The following COL26A1 variants were observed in gnomAD, a reference collection of about 807,000 sequenced individuals.
The protein encoded by COL26A1 is collagen type XXVI alpha 1 chain.
Under a neutral mutation model 59.3 loss-of-function variants are expected in COL26A1, and 41 were observed. The observed-to-expected ratio is 0.69, with a 90% confidence interval of 0.54 to 0.90. The LOEUF (loss-of-function observed/expected upper bound fraction) is 0.90, where lower values mean the gene tolerates loss of function less well. Among genes scored for constraint, COL26A1 ranks in the 40% least tolerant of loss-of-function variants. COL26A1 has a pLI of 0.00. For synonymous variants in COL26A1, 266 were observed against 256.0 expected, an observed-to-expected ratio of 1.04 and a Z score of -0.37; for missense variants, 612 against 602.3, an observed-to-expected ratio of 1.02 and a Z score of -0.17.
chr7:101,440,321 G>A (rs776505450), intron 2 of COL26A1, among the ~76,000 whole-genome samples: 2 of 152,202 alleles, frequency 1.3e-5, no homozygotes, highest in East Asian at 1.9e-4. Flanking sequence ...AGCTGAGATC[G>A]CGTCACTACA....
intron 1 of COL26A1, among the ~76,000 whole-genome samples, chr7:101,413,375 C>T (rs111787447): frequency 0.02 from 3,106 of 152,038 alleles, 119 homozygotes; most frequent in African/African-American, 0.07. Context: ...AAATATTAGC[C>T]GGGTATGGTG....
rs1563008286 is a variant in COL26A1, at chr7:101,489,850, CTT to C, written c.385+42065_385+42066del. On this transcript the variant is annotated intron_variant, in intron 3 of 12. Coordinates refer to ENST00000313669, the MANE Select transcript of COL26A1 (RefSeq NM_001278563.3). ...TCTTTCTTTCTTTCTTTCTTTCTTTCTTTCTTTCTTTCTTTCTTTCTTTCTTT... is the reference window on the plus strand; with the variant it reads ...TCTTTCTTTCTTTCTTTCTTTCTTTCTCTTTCTTTCTTTCTTTCTTTCTTT... Among the ~76,000 whole-genome samples, 27 of 28,990 alleles carry C rather than the reference CTT, an allele frequency of 9.3e-4. 1 individual carries two copies. The highest frequency in any genetic ancestry group is 9.5e-4 in the Admixed American group (2 of 2,110). 19.0% of individuals were successfully genotyped at this position (28,990 alleles called of 152,430 possible). A position where few individuals can be genotyped will look rare whatever the true frequency, so the allele number is the denominator to read the frequency against.
At position 101,370,041 on chromosome 7, in the gene COL26A1, T is replaced by G. The variant is rs184825035; in HGVS notation, c.158+6851T>G. Among the ~76,000 whole-genome samples the G allele has an allele frequency of 1.1e-3, 167 of 152,112 alleles. 1 individual carries two copies. The highest frequency in any genetic ancestry group is 3.9e-3 in the African/African-American group (163 of 41,488). On this transcript the variant is annotated intron_variant, in intron 1 of 12. Coordinates refer to ENST00000313669, the MANE Select transcript of COL26A1 (RefSeq NM_001278563.3). ...TCATGCCTGGCTAATTTTGTATTTTTTGTAGAGATGGGTTTCTCCATGTTG... is the reference window on the plus strand; with the variant it reads ...TCATGCCTGGCTAATTTTGTATTTTGTGTAGAGATGGGTTTCTCCATGTTG...
At chr7:101,412,869 T>C (rs1792275604) in intron 1 of COL26A1, among the ~76,000 whole-genome samples, 2 of 152,022 alleles carry the variant, frequency 1.3e-5, no homozygotes, top group African/African-American at 4.8e-5. Flanking sequence ...GCCTCAATTT[T>C]GGGGCTCCCC....
intron 3 of COL26A1, among the ~76,000 whole-genome samples, chr7:101,486,131 G>A (rs1394117162): frequency 6.6e-6 from 1 of 151,222 alleles, no homozygotes; most frequent in Non-Finnish European, 1.5e-5. Context: ...CAAGATTGCA[G>A]CACTGCACTC....
chr7:101,450,194 A>C (rs1793297250), intron 3 of COL26A1, among the ~76,000 whole-genome samples: 1 of 151,666 alleles, frequency 6.6e-6, no homozygotes, highest in Admixed American at 6.6e-5. Flanking sequence ...CGGGCACAGG[A>C]GAGTTTCATG....
intron 3 of COL26A1, among the ~76,000 whole-genome samples, chr7:101,519,528 T>A (rs1795097203): frequency 1.3e-5 from 2 of 152,214 alleles, no homozygotes; most frequent in African/African-American, 4.8e-5. Context: ...CACAGGCTGC[T>A]GAGGCCAGGG....
chr7:101,402,651 C>CCCCT (rs1792038018), intron 1 of COL26A1, among the ~76,000 whole-genome samples: 1 of 106,138 alleles, frequency 9.4e-6, no homozygotes. Context: ...CCCTCCCTTC[C>CCCCT]TTCCTTCCTT....
intron 7 of COL26A1, among the ~76,000 whole-genome samples, chr7:101,546,834 A>G (rs1795746234): frequency 6.6e-6 from 1 of 151,570 alleles, no homozygotes; most frequent in East Asian, 1.9e-4. Flanking sequence ...GGCCTGTGGG[A>G]TGGAGCCTGG....
At chr7:101,460,668 C>A (rs953553316) in intron 3 of COL26A1, among the ~76,000 whole-genome samples, 1 of 151,964 alleles carries the variant, frequency 6.6e-6, no homozygotes, top group Admixed American at 6.6e-5. Flanking sequence ...GTAATCCCAG[C>A]TACACAGGAG....
chr7:101,387,774 A>ATTTTTTT (rs1185449488), intron 1 of COL26A1, among the ~76,000 whole-genome samples: 9 of 48,890 alleles, frequency 1.8e-4, no homozygotes, highest in African/African-American at 4.2e-4. Context: ...ATATATATAT[A>ATTTTTTT]TATATTTTTT....
At chr7:101,409,373 G>C (rs56016795) in intron 1 of COL26A1, among the ~76,000 whole-genome samples, 3,097 of 152,310 alleles carry the variant, frequency 0.02, 119 homozygotes, top group African/African-American at 0.07. Context: ...AGAAGACTGA[G>C]TTTCAAGGCA....
intron 1 of COL26A1, among the ~76,000 whole-genome samples, chr7:101,378,570 C>T (rs1311237038): frequency 6.6e-6 from 1 of 151,980 alleles, no homozygotes; most frequent in Non-Finnish European, 1.5e-5. Flanking sequence ...CTATGTCACC[C>T]AGGCTGGTCT....
intron 3 of COL26A1, among the ~76,000 whole-genome samples, chr7:101,487,018 G>C (rs372904312): frequency 2.0e-5 from 3 of 152,222 alleles, no homozygotes; most frequent in Non-Finnish European, 4.4e-5. Flanking sequence ...TCCCAATTAA[G>C]GGAATTCCAG....
At chr7:101,370,434 G>A (rs1437325472) in intron 1 of COL26A1, among the ~76,000 whole-genome samples, 2 of 151,952 alleles carry the variant, frequency 1.3e-5, no homozygotes, top group African/African-American at 2.4e-5. Context: ...GCAGTGGCAC[G>A]ATCTTAGCTC....
chr7:101,469,420 G>A (rs1389465533), intron 3 of COL26A1, among the ~76,000 whole-genome samples: 3 of 151,948 alleles, frequency 2.0e-5, no homozygotes, highest in Non-Finnish European at 2.9e-5. Context: ...CTGCTCCCAC[G>A]TCAGATGCCG....
At chr7:101,430,053 T>G (rs1353694731) in intron 2 of COL26A1, among the ~76,000 whole-genome samples, 1 of 152,190 alleles carries the variant, frequency 6.6e-6, no homozygotes, top group Non-Finnish European at 1.5e-5. Context: ...ATTTTTAGCA[T>G]GTTGAGTCTT....
intron 3 of COL26A1, among the ~76,000 whole-genome samples, chr7:101,486,745 A>G (rs1446655813): frequency 6.6e-6 from 1 of 152,234 alleles, no homozygotes; most frequent in African/African-American, 2.4e-5. Context: ...CTTCTATCAG[A>G]GTCCGTAATG....
intron 10 of COL26A1, 87 bp downstream of exon 10, chr7:101,551,230 T>TGGGGGGGGGGGGGGTTGGGG: frequency 1.8e-5 from 2 of 113,768 alleles, no homozygotes; most frequent in Admixed American, 1.4e-4. Flanking sequence ...CGGGGGTTGG[T>TGGGGGGGGGGGGGGTTGGGG]GGGGGGGTTC....
Sources: gnomAD v4.1 joint callset for allele counts (sites outside exome capture counted in the v4.1 genomes callset) on GRCh38, gnomAD v4.1.1 for gene constraint, MANE v1.5 for transcripts, NCBI Gene and HGNC (gene_info 2026-07-23, HGNC 2026-07-21) for gene names.